CASZ1: variants seen among roughly 807,000 people sequenced by gnomAD.
CASZ1 encodes zinc finger protein castor homolog 1.
CASZ1 carries 28 observed loss-of-function variants against 135.2 expected under a neutral mutation model. The observed-to-expected ratio is 0.21, with a 90% CI of 0.15 to 0.28. The LOEUF (loss-of-function observed/expected upper bound fraction) is 0.28, where lower values mean the gene tolerates loss of function less well. Among genes scored for constraint, CASZ1 ranks in the 10% least tolerant of loss-of-function variants. The pLI is 1.00. For missense variants in CASZ1, 2,161 were observed against 2,453.3 expected, an observed-to-expected ratio of 0.88 and a Z score of 2.52; for synonymous variants, 1,068 against 1,073.4, an observed-to-expected ratio of 0.99 and a Z score of 0.10.
At chr1:10,784,530 T>G (rs1402835833) in intron 1 of CASZ1, among the ~76,000 whole-genome samples, 1 of 152,152 alleles carries the variant, frequency 6.6e-6, no homozygotes, top group Non-Finnish European at 1.5e-5. Flanking sequence ...TCCAGTTATC[T>G]CCCTACCTCC....
rs1397750583 is a variant in CASZ1, at chr1:10,666,201, C to T, written c.17-630G>A. On this transcript the variant is annotated intron_variant, in intron 4 of 20. Coordinates refer to ENST00000377022, the MANE Select transcript of CASZ1 (RefSeq NM_001079843.3). The surrounding 1 kb of genome is among the most constrained non-coding windows in gnomAD (Gnocchi z 5.2). ...TGCCAGGCCAGGTCCCTGGGCCCTA[C>T]CTGACTCCAACCCTGCTCAGCAGAG... Among the ~76,000 whole-genome samples, 8 of 152,188 alleles carry T rather than the reference C, an allele frequency of 5.3e-5. No individual in the cohort carries two copies.
At chr1:10,753,529 G>C (rs1052935133) in intron 2 of CASZ1, among the ~76,000 whole-genome samples, 1 of 152,210 alleles carries the variant, frequency 6.6e-6, no homozygotes. Flanking sequence ...GGTGGCTCCT[G>C]TCAGATTATT....
At chr1:10,770,999 A>G (rs996500232) in intron 1 of CASZ1, among the ~76,000 whole-genome samples, 1 of 152,204 alleles carries the variant, frequency 6.6e-6, no homozygotes, top group Admixed American at 6.5e-5. Flanking sequence ...GCCCCCAAGC[A>G]TCTCCTCCTG....
rs205490 is a variant in CASZ1, at chr1:10,747,312, G to A, written c.-77+13389C>T. 0.4 allele frequency among the ~76,000 whole-genome samples: 61,453 copies of A among 152,064 alleles called. 15,089 individuals are homozygous for A. The highest frequency in any genetic ancestry group is 0.7 in the African/African-American group (29,056 of 41,472). On this transcript the variant is annotated intron_variant, in intron 2 of 20. Coordinates refer to ENST00000377022, the MANE Select transcript of CASZ1 (RefSeq NM_001079843.3). This position sits in a 1 kb window ranked among gnomAD's most constrained non-coding sequence, Gnocchi z 4.3. ...AGGGTTCTGAATACGCTCATCTTTC[G>A]TAGATGCAACCCAGCAGACAAACCA... is the stretch of plus-strand genomic sequence containing the variant.
chr1:10,670,655 A>G (rs899923269), intron 4 of CASZ1, among the ~76,000 whole-genome samples: 8 of 152,214 alleles, frequency 5.3e-5, no homozygotes, highest in African/African-American at 1.9e-4. Flanking sequence ...TTGGGAATGA[A>G]CACTTCAAAG....
At chr1:10,753,578 T>A (rs1406729333) in intron 2 of CASZ1, among the ~76,000 whole-genome samples, 2 of 152,192 alleles carry the variant, frequency 1.3e-5, no homozygotes, top group African/African-American at 4.8e-5. Context: ...CAACATGCGC[T>A]TGGACTTCAG....
intron 1 of CASZ1, among the ~76,000 whole-genome samples, chr1:10,786,986 T>A (rs1640870975): frequency 6.6e-6 from 1 of 152,188 alleles, no homozygotes; most frequent in Non-Finnish European, 1.5e-5. Flanking sequence ...TGATACCATA[T>A]GACATAAAAA....
At chr1:10,681,363 T>G (rs945942867) in intron 4 of CASZ1, among the ~76,000 whole-genome samples, 1 of 151,938 alleles carries the variant, frequency 6.6e-6, no homozygotes, top group Admixed American at 6.6e-5. Flanking sequence ...CAGACCCTAC[T>G]CCACCTGCCA....
In CASZ1 at chr1:10,638,385, G is replaced by C. The variant is rs61776293; in HGVS notation, c.*557C>G. 6.6e-6 allele frequency: 1 copy of C among 152,204 alleles called. No individual in the cohort carries two copies. Among genetic ancestry groups the C allele is most frequent in the South Asian group, 2.1e-4 (1 of 4,836 alleles). 9.4% of individuals were successfully genotyped at this position (152,204 alleles called of 1,614,324 possible). ...AGCAGCCGGGCCCTGGGGTGGGGCT[G>C]AGCTGGAGCTCCGCGGCTGCTACTC... On this transcript the variant is annotated 3_prime_UTR_variant, in exon 21 of 21. Transcript: ENST00000377022. The surrounding 1 kb of genome is among the most constrained non-coding windows in gnomAD (Gnocchi z 5.9).
chr1:10,658,467 C>T (rs1171970520), intron 7 of CASZ1, 41 bp downstream of exon 7: 2 of 1,561,182 alleles, frequency 1.3e-6, no homozygotes, highest in East Asian at 2.2e-5. Flanking sequence ...GTCCTGGCCC[C>T]CCACCTTCTC....
intron 4 of CASZ1, among the ~76,000 whole-genome samples, chr1:10,680,013 A>G (rs1638360944): frequency 6.6e-6 from 1 of 152,032 alleles, no homozygotes; most frequent in African/African-American, 2.4e-5. Flanking sequence ...GTCTGGACTG[A>G]GAAGGGGTGG....
rs1177232763 is a variant in CASZ1 at position 10,669,591 on chromosome 1, G to A, written c.17-4020C>T. Among the ~76,000 whole-genome samples, 4 of 152,220 alleles carry A rather than the reference G, an allele frequency of 2.6e-5. No individual in the cohort carries two copies. In the East Asian group the frequency reaches 5.8e-4, roughly 22 times the overall value. ...AGCTCTGGGTGAGAGGGGCGTTCCTGTAGCTGCACCGCATCCCCAGTCCCC... is the reference window on the plus strand; with the variant it reads ...AGCTCTGGGTGAGAGGGGCGTTCCTATAGCTGCACCGCATCCCCAGTCCCC... On this transcript the variant is annotated intron_variant, in intron 4 of 20. Coordinates refer to ENST00000377022, the MANE Select transcript of CASZ1 (RefSeq NM_001079843.3).
Position 10,703,867 on chromosome 1 carries a change from T to A in CASZ1, c.-24+1625A>T, listed in dbSNP as rs536292798. Among the ~76,000 whole-genome samples the A allele has an allele frequency of 5.3e-5, 8 of 152,328 alleles. No homozygotes were observed. The East Asian group carries it at 1.2e-3, about 22-fold the overall frequency. On this transcript the variant is annotated intron_variant, in intron 3 of 20. Coordinates refer to ENST00000377022, the MANE Select transcript of CASZ1 (RefSeq NM_001079843.3). ...TAGCTAATACCTGAATAAATAGGCATGGCTGTGTTCCAATAAAACTTTATT... is the reference window on the plus strand; with the variant it reads ...TAGCTAATACCTGAATAAATAGGCAAGGCTGTGTTCCAATAAAACTTTATT...
intron 1 of CASZ1, among the ~76,000 whole-genome samples, chr1:10,763,730 C>G (rs1419159267): frequency 5.3e-5 from 8 of 152,334 alleles, no homozygotes; most frequent in African/African-American, 1.2e-4. Flanking sequence ...TCTCCAGCAT[C>G]TAGCACAACA....
intron 1 of CASZ1, among the ~76,000 whole-genome samples, chr1:10,769,936 A>G (rs1337452151): frequency 1.3e-5 from 2 of 152,246 alleles, no homozygotes; most frequent in African/African-American, 4.8e-5. Context: ...TCTACTTGAC[A>G]GATGGGGAAA....
chr1:10,688,362 C>A (rs1186658699), intron 4 of CASZ1, among the ~76,000 whole-genome samples: 1 of 152,144 alleles, frequency 6.6e-6, no homozygotes, highest in Non-Finnish European at 1.5e-5. Flanking sequence ...CTTTAGGGAG[C>A]TGGGTGGCCT....
rs760582016 is a variant in CASZ1 at position 10,739,340 on chromosome 1, C to G, written c.-77+21361G>C. Among the ~76,000 whole-genome samples, 1 of 151,966 alleles carries G rather than the reference C, an allele frequency of 6.6e-6. No individual in the cohort carries two copies. The highest frequency in any genetic ancestry group is 1.5e-5 in the Non-Finnish European group (1 of 67,974). ...ATGTGCCACTCTGTGAGTGTCACCG[C>G]GAGGGAAACCCTCCCAGGGGCCCGG... On this transcript the variant is annotated intron_variant, in intron 2 of 20. Transcript: ENST00000377022. This position sits in a 1 kb window ranked among gnomAD's most constrained non-coding sequence, Gnocchi z 4.8.
chr1:10,682,635 C>G (rs1363369118), intron 4 of CASZ1, among the ~76,000 whole-genome samples: 1 of 152,220 alleles, frequency 6.6e-6, no homozygotes, highest in Non-Finnish European at 1.5e-5. Context: ...CATGTTTAAT[C>G]ACCTGCTGTT....
Position 10,794,433 on chromosome 1 carries a change from G to A in CASZ1, c.-234+2131C>T, listed in dbSNP as rs930233865. On this transcript the variant is annotated intron_variant, in intron 1 of 20. Transcript: ENST00000377022. This position sits in a 1 kb window ranked among gnomAD's most constrained non-coding sequence, Gnocchi z 5.6. The stretch of plus-strand genomic sequence containing the variant: ...AGGGCCGCACCCCCACACTCCACTC[G>A]GTCAGAAACGCACACTCCGCCCCGT... 6.6e-6 allele frequency among the ~76,000 whole-genome samples: 1 copy of A among 151,858 alleles called. No homozygotes were observed. Among genetic ancestry groups the A allele is most frequent in the Non-Finnish European group, 1.5e-5 (1 of 67,964 alleles).
Sources: allele counts gnomAD v4.1 joint callset (sites outside exome capture counted in the v4.1 genomes callset), GRCh38; gene constraint gnomAD v4.1.1; non-coding constraint Gnocchi (gnomAD v3.1); transcripts MANE v1.5; gene names NCBI Gene and HGNC (gene_info 2026-07-23, HGNC 2026-07-21).